Variants in EGF observed in about 807,000 individuals in gnomAD.
The protein encoded by EGF is epidermal growth factor, also known as pro-epidermal growth factor.
EGF carries 95 observed loss-of-function variants against 143.8 expected under a neutral mutation model. The ratio of observed to expected loss-of-function variants is 0.66; its 90% CI spans 0.56 to 0.78. The LOEUF is 0.78. Among genes scored for constraint, EGF ranks in the 30% least tolerant of loss-of-function variants. EGF has a pLI of 0.00. For synonymous variants in EGF, 510 were observed against 510.5 expected, an observed-to-expected ratio of 1.00 and a Z score of 0.01; for missense variants, 1,320 against 1,470.9, an observed-to-expected ratio of 0.90 and a Z score of 1.68.
rs897219794 is a variant in EGF at position 109,961,950 on chromosome 4, G to T, written c.1277G>T (p.Gly426Val). ...GGTCCCTTATGTTTCTGTCCTGAAG[G>T]CTCAGTGCTTGAGAGAGATGGGAAA... is the stretch of plus-strand genomic sequence containing the variant. The part of the protein sequence containing the change: ...SEGPLCFCPE[G>V]SVLERDGKTC... Residue 426 changes from glycine to valine, a missense_variant, in exon 8 of 24, where the codon GGC becomes GTC. Physicochemically the swap from Gly to Val is moderately radical, Grantham distance 109 (BLOSUM62 -3). This residue lies in a region of EGF where 1,186 missense variants were observed against 1,313.7 expected (regional missense o/e 0.90). Coordinates refer to ENST00000265171, the MANE Select transcript of EGF (RefSeq NM_001963.6). 1 of 1,613,896 alleles carries T rather than the reference G, an allele frequency of 6.2e-7. No individual in the cohort carries two copies. The highest frequency in any genetic ancestry group is 8.5e-7 in the Non-Finnish European group (1 of 1,179,816).
At chr4:109,964,746 G>A (rs1051367131) in intron 10 of EGF, among the ~76,000 whole-genome samples, 2 of 152,120 alleles carry the variant, frequency 1.3e-5, no homozygotes, top group Admixed American at 6.6e-5. Context: ...TCCTTGCTAC[G>A]ATTAGCCGTT....
intron 5 of EGF, among the ~76,000 whole-genome samples, chr4:109,948,264 C>A (rs148814128): frequency 6.6e-6 from 1 of 152,340 alleles, no homozygotes; most frequent in African/African-American, 2.4e-5. Context: ...TTCACACATA[C>A]TCCACAGGCA....
chr4:109,934,373 C>G (rs963215413), intron 1 of EGF, among the ~76,000 whole-genome samples: 3 of 152,202 alleles, frequency 2.0e-5, no homozygotes, highest in African/African-American at 7.2e-5. Context: ...TAGGAAGTGT[C>G]TGTTCATATC....
intron 5 of EGF, 99 bp from the exon 6 acceptor site, chr4:109,959,213 G>A (rs1426465844): frequency 3.3e-5 from 51 of 1,567,702 alleles, no homozygotes; most frequent in Non-Finnish European, 3.6e-5. Context: ...AGCTGTAGAC[G>A]TTGTAGGGAG....
chr4:109,991,401 G>A (rs2126144264), intron 18 of EGF, among the ~76,000 whole-genome samples: 1 of 152,212 alleles, frequency 6.6e-6, no homozygotes, highest in East Asian at 1.9e-4. Flanking sequence ...TAGGCAACAG[G>A]GAGCCACTGG....
At chr4:109,938,730 G>A (rs1171732975) in intron 1 of EGF, among the ~76,000 whole-genome samples, 2 of 152,202 alleles carry the variant, frequency 1.3e-5, no homozygotes, top group Non-Finnish European at 2.9e-5. Context: ...TGATGTTGAT[G>A]CTATTCATTT....
At chr4:110,005,720 A>G (rs1416918779) in intron 22 of EGF, among the ~76,000 whole-genome samples, 1 of 152,184 alleles carries the variant, frequency 6.6e-6, no homozygotes, top group Non-Finnish European at 1.5e-5. Context: ...AACCTGTCAG[A>G]GTTAAGGACT....
intron 1 of EGF, among the ~76,000 whole-genome samples, chr4:109,929,963 T>C (rs1184378010): frequency 7.2e-5 from 11 of 152,178 alleles, no homozygotes; most frequent in African/African-American, 2.7e-4. Context: ...GATTGGATCA[T>C]GGGGGCGGTT....
At chr4:109,972,255 G>C (rs1045728463) in intron 11 of EGF, among the ~76,000 whole-genome samples, 3 of 152,144 alleles carry the variant, frequency 2.0e-5, no homozygotes, top group African/African-American at 7.2e-5. Context: ...ACCAACACTG[G>C]AGTTTGAGAT....
At chr4:109,968,869 C>A in intron 10 of EGF, 102 bp from the exon 11 acceptor site, 1 of 1,521,748 alleles carries the variant, frequency 6.6e-7, no homozygotes. Flanking sequence ...TCTCCAAAGT[C>A]AAGCTCTTAA....
Position 109,986,006 on chromosome 4 carries a change from T to A in EGF, c.2492-1738T>A, listed in dbSNP as rs116488609. Among the ~76,000 whole-genome samples the A allele has an allele frequency of 5.4e-3, 829 of 152,292 alleles. 7 individuals are homozygous for A. Among genetic ancestry groups the A allele is most frequent in the African/African-American group, 0.019 (799 of 41,558 alleles). On this transcript the variant is annotated intron_variant, in intron 16 of 23. Transcript: ENST00000265171. ...ATATCTTGATCAAAGGGGTTTTTTT[T>A]AAGGTCACTTTTTATTCTAGTCCTT...
At chr4:109,985,419 C>T in intron 16 of EGF, among the ~76,000 whole-genome samples, 1 of 152,176 alleles carries the variant, frequency 6.6e-6, no homozygotes, top group Admixed American at 6.5e-5. Context: ...CTTAACGTGG[C>T]CTTTTGGGCC....
chr4:109,985,615 C>T (rs920183149), intron 16 of EGF, among the ~76,000 whole-genome samples: 13 of 152,174 alleles, frequency 8.5e-5, no homozygotes, highest in African/African-American at 2.4e-4. Context: ...GTGTGTCCTT[C>T]GCCCTCTGGC....
intron 12 of EGF, 99 bp from the exon 13 acceptor site, chr4:109,975,913 T>A: frequency 2.3e-6 from 3 of 1,291,746 alleles, no homozygotes; most frequent in Non-Finnish European, 3.4e-6. Flanking sequence ...ACCACTTTAG[T>A]ATATCATGAG....
intron 16 of EGF, 55 bp from the exon 17 acceptor site, chr4:109,987,688 TC>T: frequency 7.1e-7 from 1 of 1,414,124 alleles, no homozygotes; most frequent in Non-Finnish European, 1.0e-6. Context: ...AAGATTAAAG[TC>T]CGTTTTCTTC....
In EGF at chr4:109,913,215, C is replaced by A. The variant is rs1260463420; in HGVS notation, c.-121C>A. 1.4e-5 allele frequency: 17 copies of A among 1,249,106 alleles called. No homozygotes were observed. Among genetic ancestry groups the A allele is most frequent in the Non-Finnish European group, 2.0e-5 (17 of 863,480 alleles). 77.4% of individuals were successfully genotyped at this position (1,249,106 alleles called of 1,614,324 possible). ...CAGCACAACAGGAGAGTAAAAGATGCCCCAGGGCTGAGGCCTCCGCTCAGG... is the reference window on the plus strand; with the variant it reads ...CAGCACAACAGGAGAGTAAAAGATGACCCAGGGCTGAGGCCTCCGCTCAGG... On this transcript the variant is annotated 5_prime_UTR_variant, in exon 1 of 24. Coordinates refer to ENST00000265171, the MANE Select transcript of EGF (RefSeq NM_001963.6).
intron 1 of EGF, among the ~76,000 whole-genome samples, chr4:109,927,384 G>A (rs899840931): frequency 5.9e-5 from 9 of 151,936 alleles, no homozygotes; most frequent in African/African-American, 2.2e-4. Flanking sequence ...TAACATGCGG[G>A]GGGACTTTTG....
At chr4:109,966,527 A>G (rs1746630275) in intron 10 of EGF, among the ~76,000 whole-genome samples, 1 of 152,138 alleles carries the variant, frequency 6.6e-6, no homozygotes, top group Admixed American at 6.6e-5. Flanking sequence ...TCTTTTTGAT[A>G]TAATACTTTC....
At chr4:109,946,968 A>C (rs112691680) in intron 5 of EGF, among the ~76,000 whole-genome samples, 1,830 of 152,190 alleles carry the variant, frequency 0.012, 32 homozygotes, top group African/African-American at 0.042. Context: ...AAAATACAAA[A>C]ATTAGCCGGG....
Sources: gnomAD v4.1 joint callset for allele counts (sites outside exome capture counted in the v4.1 genomes callset) on GRCh38, gnomAD v4.1.1 for gene constraint, gnomAD v4.1.1 regional missense constraint, MANE v1.5 for transcripts, NCBI Gene and HGNC (gene_info 2026-07-23, HGNC 2026-07-21) for gene names.